NEBL: variants seen among roughly 807,000 people sequenced by gnomAD.
NEBL encodes the protein LIM and SH3 protein 2.
Under a neutral mutation model 140.2 loss-of-function variants are expected in NEBL, and 122 were observed. The observed-to-expected ratio is 0.87, with a 90% CI of 0.75 to 1.01. The LOEUF is 1.01. Among genes scored for constraint, NEBL ranks in the 50% least tolerant of loss-of-function variants. NEBL has a pLI of 0.00. For missense variants in NEBL, 1,365 were observed against 1,231.3 expected (o/e 1.11, Z -1.62); for synonymous variants, 436 against 398.9 (o/e 1.09, Z -1.11).
chr10:21,265,079 T>C (rs1174259103), intron 1 of NEBL, among the ~76,000 whole-genome samples: 2 of 151,894 alleles, frequency 1.3e-5, no homozygotes, highest in Non-Finnish European at 2.9e-5. Context: ...TGCGCCACCG[T>C]GCCCGACTAA....
At chr10:21,080,113 G>C (rs1836298041) in intron 2 of NEBL, among the ~76,000 whole-genome samples, 1 of 152,182 alleles carries the variant, frequency 6.6e-6, no homozygotes, top group Non-Finnish European at 1.5e-5. Context: ...GACGGTTCTG[G>C]TGGCTGTGAT....
chr10:21,284,268 T>C (rs1229783528), intron 1 of NEBL, among the ~76,000 whole-genome samples: 1 of 146,316 alleles, frequency 6.8e-6, no homozygotes, highest in Non-Finnish European at 1.5e-5. Context: ...GAATTCAGTC[T>C]GATGATATTT....
rs1458791821 is a variant in NEBL, at chr10:20,783,985, C to T, written c.*1762G>A. 6.6e-6 allele frequency: 1 copy of T among 152,098 alleles called. No homozygotes were observed. Among genetic ancestry groups the T allele is most frequent in the African/African-American group, 2.4e-5 (1 of 41,396 alleles). 9.4% of individuals were successfully genotyped at this position (152,098 alleles called of 1,614,324 possible). A position where few individuals can be genotyped will look rare whatever the true frequency, so the allele number is the denominator to read the frequency against. ...TAATAAAGCCTATTTACCCTTTTAG[C>T]CTAATAAAATGAAATCACAGATTTT... On this transcript the variant is annotated 3_prime_UTR_variant, in exon 28 of 28. Transcript: ENST00000377122.
chr10:21,172,682 A>G (rs1235318917), intron 1 of NEBL, among the ~76,000 whole-genome samples: 1 of 152,050 alleles, frequency 6.6e-6, no homozygotes, highest in Non-Finnish European at 1.5e-5. Flanking sequence ...TCTTAAAGGA[A>G]AACCCACCGC....
chr10:21,261,717 CA>C (rs1365926822), intron 1 of NEBL, among the ~76,000 whole-genome samples: 2 of 151,838 alleles, frequency 1.3e-5, no homozygotes, highest in Non-Finnish European at 2.9e-5. Flanking sequence ...AAAGCAAAAG[CA>C]AAATGATCTT....
chr10:21,058,503 T>A (rs886066120), intron 2 of NEBL, among the ~76,000 whole-genome samples: 1 of 152,074 alleles, frequency 6.6e-6, no homozygotes, highest in African/African-American at 2.4e-5. Context: ...TGAAAACCTA[T>A]AAGCCAAAAC....
intron 22 of NEBL, among the ~76,000 whole-genome samples, chr10:20,815,185 G>C (rs557361451): frequency 3.3e-5 from 5 of 152,292 alleles, no homozygotes; most frequent in African/African-American, 1.2e-4. Flanking sequence ...TACGTTAACT[G>C]TATTTAAGGA....
At chr10:21,279,289 A>AATTTT (rs1554836315) in intron 1 of NEBL, among the ~76,000 whole-genome samples, 1 of 131,830 alleles carries the variant, frequency 7.6e-6, no homozygotes, top group Non-Finnish European at 1.6e-5. Flanking sequence ...TATTTTTTCA[A>AATTTT]TTTTTTTTTT....
intron 2 of NEBL, among the ~76,000 whole-genome samples, chr10:21,053,072 C>T (rs960418835): frequency 7.2e-5 from 11 of 152,128 alleles, no homozygotes; most frequent in African/African-American, 2.7e-4. Context: ...GATTTGATCA[C>T]TATACATTGT....
At chr10:21,217,061 G>A (rs1452912526) in intron 3 of NEBL, among the ~76,000 whole-genome samples, 1 of 152,110 alleles carries the variant, frequency 6.6e-6, no homozygotes, top group Non-Finnish European at 1.5e-5. Context: ...CCCTGGGAAG[G>A]GGCTCTGCAC....
chr10:20,937,180 C>A (rs1834535558), intron 4 of NEBL, among the ~76,000 whole-genome samples: 1 of 152,150 alleles, frequency 6.6e-6, no homozygotes, highest in African/African-American at 2.4e-5. Context: ...CTCTCAATTA[C>A]ATGTTAATAA....
At chr10:20,849,962 T>C (rs546364867) in intron 11 of NEBL, among the ~76,000 whole-genome samples, 19 of 152,130 alleles carry the variant, frequency 1.2e-4, no homozygotes, top group Admixed American at 3.3e-4. Context: ...TTACCTAGCA[T>C]GTAGTAAGTA....
intron 4 of NEBL, among the ~76,000 whole-genome samples, chr10:20,906,140 A>G (rs1848082626): frequency 6.6e-6 from 1 of 152,216 alleles, no homozygotes; most frequent in Non-Finnish European, 1.5e-5. Context: ...CGTATTATGT[A>G]GACCCTGAAA....
At chr10:21,069,634 C>A (rs903952246) in intron 2 of NEBL, among the ~76,000 whole-genome samples, 7 of 152,144 alleles carry the variant, frequency 4.6e-5, no homozygotes, top group Non-Finnish European at 1.0e-4. Flanking sequence ...ATTTAAAAAT[C>A]TTTATGTAGA....
At chr10:20,982,016 C>T (rs904001425) in intron 3 of NEBL, among the ~76,000 whole-genome samples, 1 of 152,196 alleles carries the variant, frequency 6.6e-6, no homozygotes, top group Non-Finnish European at 1.5e-5. Context: ...AAACATATCT[C>T]AATGGGTTTT....
intron 2 of NEBL, among the ~76,000 whole-genome samples, chr10:21,248,449 C>G (rs968503905): frequency 6.6e-6 from 1 of 152,094 alleles, no homozygotes; most frequent in African/African-American, 2.4e-5. Context: ...GCTTATTTCA[C>G]TCAGCATAAT....
At chr10:21,148,796 G>C (rs1840019624) in intron 2 of NEBL, among the ~76,000 whole-genome samples, 1 of 152,152 alleles carries the variant, frequency 6.6e-6, no homozygotes, top group Non-Finnish European at 1.5e-5. Context: ...AAAGTGCTGG[G>C]ATTACAGGTG....
chr10:21,048,239 A>C (rs1294509293), intron 2 of NEBL, among the ~76,000 whole-genome samples: 1 of 152,154 alleles, frequency 6.6e-6, no homozygotes, highest in African/African-American at 2.4e-5. Flanking sequence ...TGACAGCCCC[A>C]CATTATAGTT....
At chr10:21,090,601 A>G (rs1458742930) in intron 2 of NEBL, among the ~76,000 whole-genome samples, 1 of 152,200 alleles carries the variant, frequency 6.6e-6, no homozygotes, top group Non-Finnish European at 1.5e-5. Context: ...TATTTATACA[A>G]TAAACAAATT....
Sources: gnomAD v4.1 joint callset for allele counts (sites outside exome capture counted in the v4.1 genomes callset) on GRCh38, gnomAD v4.1.1 for gene constraint, MANE v1.5 for transcripts, NCBI Gene and HGNC (gene_info 2026-07-23, HGNC 2026-07-21) for gene names.